The following GARS1 variants were observed in gnomAD, a reference collection of about 807,000 sequenced individuals.
GARS1 encodes glycine--tRNA ligase.
A neutral mutation model predicts 86.4 loss-of-function variants in GARS1; 46 were observed. That is an observed-to-expected ratio of 0.53 (90% CI 0.42 to 0.68). The LOEUF (loss-of-function observed/expected upper bound fraction) is 0.68. GARS1 is among the 30% of genes least tolerant of loss of function. GARS1 has a pLI of 0.00. For synonymous variants in GARS1, 342 were observed against 329.8 expected, an observed-to-expected ratio of 1.04 and a Z score of -0.40; for missense variants, 797 against 915.6, an observed-to-expected ratio of 0.87 and a Z score of 1.67.
intron 3 of GARS1, 119 bp downstream of exon 3, chr7:30,600,168 G>A (rs1367005229): frequency 3.9e-6 from 3 of 764,190 alleles, no homozygotes; most frequent in Non-Finnish European, 6.8e-6. Context: ...AGCAGAGGAT[G>A]GATGTTTTGC....
In GARS1 at chr7:30,633,673, ATCT is replaced by A. The variant is rs374628002; in HGVS notation, c.2095-54_2095-52del. The A allele has an allele frequency of 1.3e-4, 208 of 1,586,908 alleles. No homozygotes were observed. In the East Asian group the frequency reaches 2.6e-3, roughly 20 times the overall value. ...GTAAGGTTTCCTGAGTTCAGGATGA[ATCT>A]TCTTCTTAAAAATCTGAACAAGTTG... On this transcript the variant is annotated intron_variant, in intron 16 of 16. Transcript: ENST00000389266.
rs924763992 is a variant in GARS1 at position 30,617,771 on chromosome 7, C to T, written c.1359+493C>T. 8.5e-5 allele frequency among the ~76,000 whole-genome samples: 13 copies of T among 152,148 alleles called. 1 individual carries two copies. The highest frequency in any genetic ancestry group is 6.5e-4 in the Admixed American group (10 of 15,270). ...ATGTATTTAACTCAAAATTCACAGA[C>T]GATCTCCAGGTACCCTCCTGCCCCT... On this transcript the variant is annotated intron_variant, in intron 10 of 16. Transcript: ENST00000389266.
intron 2 of GARS1, 41 bp from the exon 3 acceptor site, chr7:30,599,906 C>A: frequency 8.1e-7 from 1 of 1,240,224 alleles, no homozygotes; most frequent in South Asian, 1.2e-5. Context: ...AGATTCCCAC[C>A]CACCCCTCCA....
At chr7:30,633,005 G>GT (rs1449238330) in intron 16 of GARS1, among the ~76,000 whole-genome samples, 1 of 152,210 alleles carries the variant, frequency 6.6e-6, no homozygotes, top group African/African-American at 2.4e-5. Flanking sequence ...CATACATCAA[G>GT]TGCCTGTTCT....
At chr7:30,625,781 T>C in intron 12 of GARS1, among the ~76,000 whole-genome samples, 2 of 152,178 alleles carry the variant, frequency 1.3e-5, no homozygotes, top group East Asian at 3.9e-4. Context: ...TTGAAAATAG[T>C]GTGGGTATTG....
intron 12 of GARS1, among the ~76,000 whole-genome samples, chr7:30,623,397 A>T (rs754552873): frequency 2.0e-5 from 3 of 152,196 alleles, no homozygotes; most frequent in South Asian, 2.1e-4. Flanking sequence ...TATATGTGTA[A>T]TATGGATATA....
At chr7:30,616,098 T>A (rs1394294424) in intron 9 of GARS1, 40 bp downstream of exon 9, 1 of 1,611,078 alleles carries the variant, frequency 6.2e-7, no homozygotes, top group Non-Finnish European at 8.5e-7. Flanking sequence ...TTGTGCCTGT[T>A]CAGGGTTTGC....
rs1036198120 is a variant in GARS1 at position 30,599,947 on chromosome 7, G to A, written c.325G>A (p.Glu109Lys). 1.9e-6 allele frequency: 3 copies of A among 1,608,754 alleles called. No homozygotes were observed. Among genetic ancestry groups the A allele is most frequent in the Non-Finnish European group, 2.6e-6 (3 of 1,175,504 alleles). The change falls in exon 3 of 17, where the codon GAG becomes AAG. Residue 109 changes from glutamate (E) to lysine (K), a missense_variant and splice_region_variant. By Grantham distance (56) the Glu-to-Lys change is moderately conservative. Transcript: ENST00000389266. ...TCACTTTTTATTTAATCTCTAACAG[G>A]AGCTGGCGTTACAGCCCAAAGATGA... is the stretch of plus-strand genomic sequence containing the variant. ...KARKRVLEAK[E>K]LALQPKDDIV...
At chr7:30,598,481 C>T (rs541497955) in intron 1 of GARS1, among the ~76,000 whole-genome samples, 30 of 150,462 alleles carry the variant, frequency 2.0e-4, no homozygotes, top group South Asian at 1.9e-3. Flanking sequence ...CTCCGCCTTC[C>T]GGGTTCAAGT....
intron 8 of GARS1, among the ~76,000 whole-genome samples, chr7:30,612,789 C>T (rs10233132): frequency 0.36 from 54,578 of 151,948 alleles, 11,843 homozygotes; most frequent in Non-Finnish European, 0.48. Flanking sequence ...CCTCATCACT[C>T]ACTTGGCCTC....
At chr7:30,606,544 A>G (rs1259870114) in intron 6 of GARS1, among the ~76,000 whole-genome samples, 3 of 152,178 alleles carry the variant, frequency 2.0e-5, no homozygotes, top group South Asian at 2.1e-4. Flanking sequence ...CTTTAGATTC[A>G]AATATTTGAT....
intron 11 of GARS1, among the ~76,000 whole-genome samples, chr7:30,621,877 A>G (rs1783015441): frequency 6.6e-6 from 1 of 152,266 alleles, no homozygotes; most frequent in Non-Finnish European, 1.5e-5. Context: ...GTGCCATTTG[A>G]TAGTAGCTGA....
At chr7:30,595,698 G>C in intron 1 of GARS1, 1 of 466,860 alleles carries the variant, frequency 2.1e-6, no homozygotes, top group South Asian at 1.6e-5. Context: ...TCAGTGCTTA[G>C]TTTAGCGGAA....
chr7:30,621,509 T>C lies in GARS1; in HGVS notation c.1467+9T>C. On this transcript the variant is annotated intron_variant, in intron 11 of 16. Transcript: ENST00000389266. The stretch of plus-strand genomic sequence containing the variant: ...AACCTCTGAAAGAACCCATATCCTT[T>C]CTGGTCACTCCAAAAACTCAGGATT... The C allele has an allele frequency of 6.2e-7, 1 of 1,604,276 alleles. No individual in the cohort carries two copies. Among genetic ancestry groups the C allele is most frequent in the African/African-American group, 1.3e-5 (1 of 74,856 alleles).
At chr7:30,607,361 G>A (rs996998850) in intron 6 of GARS1, among the ~76,000 whole-genome samples, 1 of 152,208 alleles carries the variant, frequency 6.6e-6, no homozygotes, top group Admixed American at 6.5e-5. Context: ...GGAATACTAT[G>A]CATTCATAAA....
chr7:30,609,561 C>G (rs774980477), intron 6 of GARS1, 24 bp from the exon 7 acceptor site: 8 of 1,604,590 alleles, frequency 5.0e-6, no homozygotes, highest in Non-Finnish European at 6.0e-6. Context: ...GTCTTTTACA[C>G]TAATTTCTTT....
chr7:30,617,207 C>T lies in GARS1; in HGVS notation c.1288C>T (p.Arg430Trp), dbSNP rs1259098117. ...AATATCTCCAGATAAACTCCGCTTC[C>T]GGCAGCACATGGAGAATGAGATGGC... is the stretch of plus-strand genomic sequence containing the variant. ...VGISPDKLRF[R>W]QHMENEMAHY... The change falls in exon 10 of 17, where the codon CGG (arginine) becomes TGG (tryptophan). Residue 430 changes from arginine (R) to tryptophan (W), a missense_variant. By Grantham distance (101) the Arg-to-Trp change is moderately radical. This residue lies in a region of GARS1 where 598 missense variants were observed against 738.7 expected (regional missense o/e 0.81). Transcript: ENST00000389266. 1.2e-6 allele frequency: 2 copies of T among 1,613,966 alleles called. No homozygotes were observed. Among genetic ancestry groups the T allele is most frequent in the East Asian group, 2.2e-5 (1 of 44,884 alleles).
chr7:30,614,317 T>G (rs1015547074), intron 8 of GARS1: 1 of 152,060 alleles, frequency 6.6e-6, no homozygotes, highest in Non-Finnish European at 1.5e-5. Flanking sequence ...ATAGACACAG[T>G]GCTGAGATTT....
intron 13 of GARS1, 113 bp downstream of exon 13, chr7:30,626,432 G>C: frequency 1.3e-5 from 9 of 708,850 alleles, no homozygotes; most frequent in Non-Finnish European, 2.3e-5. Flanking sequence ...CACAACCTCT[G>C]CCTCCCCGGC....
Sources: gnomAD v4.1 joint callset for allele counts (sites outside exome capture counted in the v4.1 genomes callset) on GRCh38, gnomAD v4.1.1 for gene constraint, gnomAD v4.1.1 regional missense constraint, MANE v1.5 for transcripts, NCBI Gene and HGNC (gene_info 2026-07-23, HGNC 2026-07-21) for gene names.